The following FBRSL1 variants were observed in gnomAD, a reference collection of about 807,000 sequenced individuals.
FBRSL1 encodes the protein fibrosin-1-like protein.
In FBRSL1, 51 loss-of-function variants were observed where a neutral mutation model predicts 89.6. The observed-to-expected ratio is 0.57, with a 90% CI of 0.45 to 0.72. The LOEUF is 0.72. Among genes scored for constraint, FBRSL1 ranks in the 30% least tolerant of loss-of-function variants. The pLI is 0.00. For missense variants in FBRSL1, 1,618 were observed against 1,451.8 expected (o/e 1.11, Z -1.86); for synonymous variants, 779 against 681.1 (o/e 1.14, Z -2.24).
At chr12:132,559,479 C>T (rs1161736687) in intron 5 of FBRSL1, among the ~76,000 whole-genome samples, 1 of 152,220 alleles carries the variant, frequency 6.6e-6, no homozygotes, top group Non-Finnish European at 1.5e-5. Flanking sequence ...GCAGCCTCCA[C>T]CTCCCGGGCT....
chr12:132,579,512 A>G (rs1279542623), intron 15 of FBRSL1, among the ~76,000 whole-genome samples: 1 of 152,268 alleles, frequency 6.6e-6, no homozygotes, highest in Non-Finnish European at 1.5e-5. Context: ...TGCTGTAACT[A>G]GCAATCCTGC....
At chr12:132,490,998 G>T in intron 1 of FBRSL1, 137 bp downstream of exon 1, 2 of 669,270 alleles carry the variant, frequency 3.0e-6, no homozygotes, top group Non-Finnish European at 3.9e-6. Context: ...CGGCCACTTG[G>T]TACCCGTTCC....
In FBRSL1 at chr12:132,490,720, C is replaced by T. The variant is rs2030699291; in HGVS notation, c.150C>T (p.Arg50=). Residue 50 remains arginine (R), a synonymous_variant, in exon 1 of 19, where the codon CGC becomes CGT. Transcript: ENST00000680143. The stretch of plus-strand genomic sequence containing the variant: ...CCGGCAAGGAGAACGCGGGCCTCCG[C>T]GGCGCGCCCCCCCGAGGCGCCGCCC... ...PSPGKENAGL[R]GAPPRGAAPA... 3 of 985,574 alleles carry T rather than the reference C, an allele frequency of 3.0e-6. No individual in the cohort carries two copies. The highest frequency in any genetic ancestry group is 6.2e-5 in the Admixed American group (1 of 16,214). The allele number at this position is 985,574 out of a possible 1,614,324, so 61.1% of individuals were successfully genotyped here.
At chr12:132,521,770 G>A (rs1326902232) in intron 2 of FBRSL1, among the ~76,000 whole-genome samples, 1 of 152,218 alleles carries the variant, frequency 6.6e-6, no homozygotes, top group Non-Finnish European at 1.5e-5. Flanking sequence ...GCCGTATGTA[G>A]TGCGTGCATT....
chr12:132,535,195 G>A (rs977462603), intron 4 of FBRSL1, among the ~76,000 whole-genome samples: 5 of 152,278 alleles, frequency 3.3e-5, no homozygotes, highest in Non-Finnish European at 5.9e-5. Context: ...TCATGAGGCA[G>A]TTAGCACTTT....
Position 132,583,120 on chromosome 12 carries a change from A to G in FBRSL1, c.2351A>G (p.Glu784Gly), listed in dbSNP as rs1322832243. 1.8e-5 allele frequency: 26 copies of G among 1,459,762 alleles called. No homozygotes were observed. The highest frequency in any genetic ancestry group is 3.1e-5 in the East Asian group (1 of 32,290). The allele number at this position is 1,459,762 out of a possible 1,614,324, so 90.4% of individuals were successfully genotyped here. A position where few individuals can be genotyped will look rare whatever the true frequency, so the allele number is the denominator to read the frequency against. Residue 784 changes from glutamate to glycine, a missense_variant, in exon 19 of 19, where the codon GAG (glutamate) becomes GGG (glycine). Glu to Gly is a moderately conservative substitution (Grantham distance 98). Coordinates refer to ENST00000680143, the MANE Select transcript of FBRSL1 (RefSeq NM_001367871.1). ...CGCGAGGCCGAACCTCGGGTCAAGG[A>G]GAGCCGCTCCCCGGCCAAGGAGGAG... ...AEREAEPRVK[E>G]SRSPAKEEAA... is the part of the protein sequence containing the mutation.
intron 4 of FBRSL1, among the ~76,000 whole-genome samples, chr12:132,529,293 G>A (rs1356802629): frequency 1.3e-5 from 2 of 152,220 alleles, no homozygotes; most frequent in Non-Finnish European, 2.9e-5. Flanking sequence ...GCCCCCCACT[G>A]TCTCTGTCCC....
Position 132,525,746 on chromosome 12 carries a change from G to A in FBRSL1, c.502G>A (p.Val168Met), listed in dbSNP as rs201533476. Residue 168 changes from valine (V) to methionine (M), a missense_variant, in exon 3 of 19, where the codon GTG (valine) becomes ATG (methionine). Physicochemically the swap from Val to Met is conservative, Grantham distance 21 (BLOSUM62 1). Coordinates refer to ENST00000680143, the MANE Select transcript of FBRSL1 (RefSeq NM_001367871.1). ...LQPSKQMKVT[V>M]SKGGDRDSDD... ...CTCTCTGTCCCAGATGAAGGTCACCGTGTCCAAAGGGGGCGACCGGGACAG... is the reference window on the plus strand; with the variant it reads ...CTCTCTGTCCCAGATGAAGGTCACCATGTCCAAAGGGGGCGACCGGGACAG... 1,109 of 1,549,518 alleles carry A rather than the reference G, an allele frequency of 7.2e-4. 1 individual carries two copies. The highest frequency in any genetic ancestry group is 9.2e-4 in the Non-Finnish European group (1,057 of 1,145,914).
intron 1 of FBRSL1, among the ~76,000 whole-genome samples, chr12:132,492,110 A>G (rs2031118212): frequency 6.6e-6 from 1 of 152,166 alleles, no homozygotes; most frequent in African/African-American, 2.4e-5. Flanking sequence ...GCAATACTGC[A>G]AGCCAGGCCC....
rs2039987882 is a variant in FBRSL1 at position 132,571,249 on chromosome 12, C to T, written c.1377+18C>T. ...AGTGCCAGGTGACTATCCGCCTCGC[C>T]CCGCCGGGAGCCCGCGGCCAACGTG... On this transcript the variant is annotated intron_variant, in intron 9 of 18. Transcript: ENST00000680143. 4 of 1,476,384 alleles carry T rather than the reference C, an allele frequency of 2.7e-6. No homozygotes were observed. Among genetic ancestry groups the T allele is most frequent in the Non-Finnish European group, 3.6e-6 (4 of 1,103,412 alleles). 91.5% of individuals were successfully genotyped at this position (1,476,384 alleles called of 1,614,324 possible).
rs1360741308 is a variant in FBRSL1 at position 132,570,440 on chromosome 12, G to A, written c.1113G>A (p.Ala371=). The A allele has an allele frequency of 2.0e-5, 31 of 1,534,632 alleles. No homozygotes were observed. The highest frequency in any genetic ancestry group is 9.6e-5 in the South Asian group (8 of 83,734). The change falls in exon 8 of 19, where the codon GCG becomes GCA. Residue 371 remains alanine (A), a synonymous_variant. Transcript: ENST00000680143. ...CACACCTGGCGCTCCGGTCCCAGGC[G>A]CAGCACCAGCTCCACGCGGCCATGT... ...STSHLALRSQ[A]QHQLHAAMFA...
At chr12:132,568,502 C>T (rs773414994) in intron 6 of FBRSL1, among the ~76,000 whole-genome samples, 1 of 152,266 alleles carries the variant, frequency 6.6e-6, no homozygotes, top group African/African-American at 2.4e-5. Context: ...GACGGTGTCA[C>T]GCGGGGCTGC....
intron 5 of FBRSL1, among the ~76,000 whole-genome samples, chr12:132,562,938 C>T (rs2039260136): frequency 6.6e-6 from 1 of 152,064 alleles, no homozygotes; most frequent in Non-Finnish European, 1.5e-5. Flanking sequence ...GAATTATTTT[C>T]AGATAAGAGG....
At chr12:132,578,719 G>A (rs2138082144) in intron 15 of FBRSL1, among the ~76,000 whole-genome samples, 1 of 43,058 alleles carries the variant, frequency 2.3e-5, no homozygotes, top group African/African-American at 1.2e-4. Context: ...AACCCCCGCT[G>A]CAGCCCCCCC....
intron 5 of FBRSL1, among the ~76,000 whole-genome samples, chr12:132,559,116 C>T (rs1397010581): frequency 6.6e-6 from 1 of 152,218 alleles, no homozygotes; most frequent in African/African-American, 2.4e-5. Context: ...GGGCCTCGAT[C>T]CGAGTTCTAG....
At chr12:132,571,453 C>T (rs1207657286) in intron 9 of FBRSL1, 1 of 1,550,762 alleles carries the variant, frequency 6.4e-7, no homozygotes, top group East Asian at 2.4e-5. Flanking sequence ...CCAACACACA[C>T]ACCAGCACCA....
intron 11 of FBRSL1, 45 bp from the exon 12 acceptor site, chr12:132,574,045 C>T (rs1313210793): frequency 8.3e-7 from 1 of 1,204,330 alleles, no homozygotes; most frequent in African/African-American, 1.6e-5. Context: ...GTCCTCCTGC[C>T]TGGGCGGCCC....
At chr12:132,532,003 A>C (rs907432762) in intron 4 of FBRSL1, among the ~76,000 whole-genome samples, 6 of 152,046 alleles carry the variant, frequency 3.9e-5, no homozygotes, top group Non-Finnish European at 7.4e-5. Flanking sequence ...GTGGTGACTG[A>C]CTCCAGCGTG....
At position 132,572,294 on chromosome 12, in the gene FBRSL1, A is replaced by G; in HGVS notation, c.1384A>G (p.Lys462Glu). ...TCCTCTCCTTCCCTTCCAGTTTGAC[A>G]AGTATGCGCCCAAGCTGGACAGCCC... ...ACRPRECQFD[K>E]YAPKLDSPYF... The change falls in exon 10 of 19, where the codon AAG becomes GAG. Residue 462 changes from lysine (K) to glutamate (E), a missense_variant. By Grantham distance (56) the Lys-to-Glu change is moderately conservative. Transcript: ENST00000680143. 1.3e-6 allele frequency: 2 copies of G among 1,551,012 alleles called. No homozygotes were observed. The highest frequency in any genetic ancestry group is 1.2e-5 in the South Asian group (1 of 84,060).
Sources: allele counts gnomAD v4.1 joint callset (sites outside exome capture counted in the v4.1 genomes callset), GRCh38; gene constraint gnomAD v4.1.1; transcripts MANE v1.5; gene names NCBI Gene and HGNC (gene_info 2026-07-23, HGNC 2026-07-21).